TMPRSS2: variants seen among roughly 807,000 people sequenced by gnomAD.
TMPRSS2 encodes transmembrane serine protease 2.
In TMPRSS2, 59 loss-of-function variants were observed where a neutral mutation model predicts 67.4. The observed-to-expected ratio is 0.88, with a 90% CI of 0.71 to 1.09. TMPRSS2 has a LOEUF of 1.09. TMPRSS2 is among the 50% of genes least tolerant of loss of function. The pLI is 0.00. For missense variants in TMPRSS2, 668 were observed against 642.7 expected (o/e 1.04, Z -0.43); for synonymous variants, 257 against 257.0 (o/e 1.00, Z 0.00).
At chr21:41,472,482 G>A (rs559699558) in intron 9 of TMPRSS2, among the ~76,000 whole-genome samples, 1 of 152,216 alleles carries the variant, frequency 6.6e-6, no homozygotes, top group South Asian at 2.1e-4. Flanking sequence ...AGAGAAGGGA[G>A]CACCCTTGGG....
intron 1 of TMPRSS2, among the ~76,000 whole-genome samples, chr21:41,505,117 A>T (rs1459316360): frequency 6.6e-6 from 1 of 152,160 alleles, no homozygotes; most frequent in Non-Finnish European, 1.5e-5. Context: ...CCAAGTCTTC[A>T]GCAACCAAAA....
Position 41,468,489 on chromosome 21 carries a change from T to C in TMPRSS2, c.1221A>G (p.Thr407=), listed in dbSNP as rs2091103379. Residue 407 remains threonine (T), a synonymous_variant, in exon 12 of 14, where the codon ACA becomes ACG. Transcript: ENST00000332149. ...AGACATATCTGCTGTTGCATCTCTG[T>C]GTCTCAATGAGAAGCACCTTGGCAG... is the stretch of plus-strand genomic sequence containing the variant. ...LNAAKVLLIE[T]QRCNSRYVYD... is the part of the protein sequence containing the mutation. The C allele has an allele frequency of 6.2e-6, 10 of 1,614,082 alleles. No individual in the cohort carries two copies. The highest frequency in any genetic ancestry group is 8.5e-6 in the Non-Finnish European group (10 of 1,180,040).
intron 13 of TMPRSS2, among the ~76,000 whole-genome samples, chr21:41,466,986 C>T (rs534326511): frequency 5.9e-5 from 9 of 152,248 alleles, no homozygotes; most frequent in East Asian, 5.8e-4. Flanking sequence ...ATCAGAGAAC[C>T]CTGGCTGCTC....
chr21:41,477,427 A>G (rs1343501984), intron 7 of TMPRSS2, among the ~76,000 whole-genome samples: 3 of 152,120 alleles, frequency 2.0e-5, no homozygotes, highest in Admixed American at 2.0e-4. Flanking sequence ...TTCTTTACCA[A>G]TCACAGCTTT....
At position 41,465,722 on chromosome 21, in the gene TMPRSS2, G is replaced by A; in HGVS notation, c.*420C>T. 3.8e-6 allele frequency: 1 copy of A among 265,254 alleles called. No homozygotes were observed. Among genetic ancestry groups the A allele is most frequent in the South Asian group, 1.2e-4 (1 of 8,144 alleles). 16.4% of individuals were successfully genotyped at this position (265,254 alleles called of 1,614,324 possible). On this transcript the variant is annotated 3_prime_UTR_variant, in exon 14 of 14. Transcript: ENST00000332149. Reference sequence around the variant, plus strand: ...GGACACTACCAAGTGGCCCCAGAGGGCAGCCGCTGCAGGTGCCACCTGGCT... The same window carrying A: ...GGACACTACCAAGTGGCCCCAGAGGACAGCCGCTGCAGGTGCCACCTGGCT...
chr21:41,467,927 C>G, intron 12 of TMPRSS2, 41 bp from the exon 13 acceptor site: 1 of 1,612,246 alleles, frequency 6.2e-7, no homozygotes, highest in East Asian at 2.2e-5. Flanking sequence ...AAAATCAAGT[C>G]ACAATCTGCC....
chr21:41,501,308 C>T (rs368878191), intron 1 of TMPRSS2, among the ~76,000 whole-genome samples: 2 of 152,292 alleles, frequency 1.3e-5, no homozygotes, highest in South Asian at 2.1e-4. Flanking sequence ...GTGATGCTGC[C>T]AGTAACATTC....
At chr21:41,467,213 AC>A (rs1351574626) in intron 13 of TMPRSS2, among the ~76,000 whole-genome samples, 1 of 152,062 alleles carries the variant, frequency 6.6e-6, no homozygotes, top group Non-Finnish European at 1.5e-5. Context: ...ACATGGAGAA[AC>A]CCCATCTCTA....
rs761703778 is a variant in TMPRSS2 at position 41,471,981 on chromosome 21, T to C, written c.900A>G (p.Lys300=). The C allele has an allele frequency of 3.8e-5, 61 of 1,593,650 alleles. No individual in the cohort carries two copies. The highest frequency in any genetic ancestry group is 4.9e-5 in the Non-Finnish European group (57 of 1,166,572). ...TCCAATGCCATGGATTGTTAAGAGG[T>C]CTGGGAGAGAAGAAGGACTCAGTAT... The part of the protein sequence containing the change: ...WIVTAAHCVE[K]PLNNPWHWTA... Residue 300 remains lysine, a splice_region_variant and synonymous_variant, in exon 10 of 14, where the codon AAA becomes AAG. Coordinates refer to ENST00000332149, the MANE Select transcript of TMPRSS2 (RefSeq NM_005656.4).
At chr21:41,479,638 TGG>T (rs138365638) in intron 6 of TMPRSS2, among the ~76,000 whole-genome samples, 145,043 of 152,184 alleles carry the variant, frequency 0.95, 69,688 homozygotes, top group Non-Finnish European at 0.99. Flanking sequence ...TGGACTGTGA[TGG>T]GGGGGCTTTG....
In TMPRSS2 at chr21:41,473,455, C is replaced by G. The variant is rs770521585; in HGVS notation, c.769G>C (p.Val257Leu). ...CCCGGGAGCGCGCTCTCGCCGCCCACAATCCTGCTCTGGCGGCTTGAGTTC... is the reference window on the plus strand; with the variant it reads ...CCCGGGAGCGCGCTCTCGCCGCCCAGAATCCTGCTCTGGCGGCTTGAGTTC... ...NLNSSRQSRI[V>L]GGESALPGAW... is the part of the protein sequence containing the mutation. Residue 257 changes from valine to leucine, a missense_variant, in exon 9 of 14, where the codon GTG becomes CTG. Val to Leu is a conservative substitution (Grantham distance 32). Coordinates refer to ENST00000332149, the MANE Select transcript of TMPRSS2 (RefSeq NM_005656.4). 7.5e-6 allele frequency: 12 copies of G among 1,610,068 alleles called. No homozygotes were observed. The highest frequency in any genetic ancestry group is 9.3e-6 in the Non-Finnish European group (11 of 1,178,966).
At position 41,498,111 on chromosome 21, in the gene TMPRSS2, C is replaced by A; in HGVS notation, c.15+8G>T. ...AAAAGGCCAGGAAGGTAATAATTAA[C>A]CACTTACTGAGTTCAAAGCCATCTT... On this transcript the variant is annotated splice_region_variant and intron_variant, in intron 2 of 13. Coordinates refer to ENST00000332149, the MANE Select transcript of TMPRSS2 (RefSeq NM_005656.4). The A allele has an allele frequency of 6.3e-7, 1 of 1,598,334 alleles. No homozygotes were observed. Among genetic ancestry groups the A allele is most frequent in the Non-Finnish European group, 8.6e-7 (1 of 1,166,782 alleles).
intron 9 of TMPRSS2, among the ~76,000 whole-genome samples, chr21:41,472,823 G>C (rs1467166936): frequency 1.3e-5 from 2 of 152,220 alleles, no homozygotes; most frequent in South Asian, 2.1e-4. Flanking sequence ...AAGGAAAAGG[G>C]GAGGGGGTGG....
intron 2 of TMPRSS2, among the ~76,000 whole-genome samples, chr21:41,496,233 G>GA (rs1385458048): frequency 6.6e-6 from 1 of 152,192 alleles, no homozygotes; most frequent in African/African-American, 2.4e-5. Context: ...ACATTTTGCA[G>GA]AGAAAAAAAC....
intron 4 of TMPRSS2, 139 bp from the exon 5 acceptor site, chr21:41,488,652 T>G: frequency 9.4e-7 from 1 of 1,061,534 alleles, no homozygotes. Context: ...TTTGTTTTGT[T>G]TTTGAGATGA....
chr21:41,480,373 C>T, intron 6 of TMPRSS2, 103 bp downstream of exon 6: 3 of 1,534,322 alleles, frequency 2.0e-6, no homozygotes, highest in Non-Finnish European at 2.6e-6. Context: ...ACAATTGTCC[C>T]CAGCACTCAT....
chr21:41,471,967 G>T lies in TMPRSS2; in HGVS notation c.914C>A (p.Pro305Gln), dbSNP rs540987630. 17 of 1,608,866 alleles carry T rather than the reference G, an allele frequency of 1.1e-5. 1 individual carries two copies. The South Asian group carries it at 1.8e-4, about 17-fold the overall frequency. ...CCCCGCAAATGCCGTCCAATGCCATGGATTGTTAAGAGGTCTGGGAGAGAA... is the reference window on the plus strand; with the variant it reads ...CCCCGCAAATGCCGTCCAATGCCATTGATTGTTAAGAGGTCTGGGAGAGAA... ...AHCVEKPLNNPWHWTAFAGIL... is the reference protein window; with the variant it reads ...AHCVEKPLNNQWHWTAFAGIL... The change falls in exon 10 of 14, where the codon CCA becomes CAA. Residue 305 changes from proline (P) to glutamine (Q), a missense_variant. Coordinates refer to ENST00000332149, the MANE Select transcript of TMPRSS2 (RefSeq NM_005656.4).
intron 3 of TMPRSS2, among the ~76,000 whole-genome samples, chr21:41,490,138 A>G (rs1401208757): frequency 7.2e-6 from 1 of 139,614 alleles, no homozygotes; most frequent in East Asian, 2.0e-4. Context: ...ACAGAGCAAA[A>G]ACTCTGTCAA....
intron 13 of TMPRSS2, among the ~76,000 whole-genome samples, chr21:41,467,193 A>G (rs1277175939): frequency 6.6e-6 from 1 of 152,198 alleles, no homozygotes; most frequent in African/African-American, 2.4e-5. Flanking sequence ...CTTCGAGACC[A>G]GCCTGGCCAA....
Sources: gnomAD v4.1 joint callset for allele counts (sites outside exome capture counted in the v4.1 genomes callset) on GRCh38, gnomAD v4.1.1 for gene constraint, MANE v1.5 for transcripts, NCBI Gene and HGNC (gene_info 2026-07-23, HGNC 2026-07-21) for gene names.